The following DNAAF4 variants were observed in gnomAD, a reference collection of about 807,000 sequenced individuals.
The protein encoded by DNAAF4 is dynein axonemal assembly factor 4.
DNAAF4 carries 43 observed loss-of-function variants against 51.8 expected under a neutral mutation model. The observed-to-expected ratio is 0.83, with a 90% confidence interval of 0.65 to 1.07. DNAAF4 has a LOEUF of 1.07. Among genes scored for constraint, DNAAF4 ranks in the 50% least tolerant of loss-of-function variants. DNAAF4 has a pLI of 0.00. For missense variants in DNAAF4, 581 were observed against 493.0 expected (o/e 1.18, Z -1.69); for synonymous variants, 194 against 165.6 (o/e 1.17, Z -1.32).
intron 5 of DNAAF4, among the ~76,000 whole-genome samples, chr15:55,459,909 G>T (rs763847803): frequency 6.6e-6 from 1 of 151,886 alleles, no homozygotes; most frequent in Non-Finnish European, 1.5e-5. Context: ...TCACCATGTT[G>T]GCCTGGCTGG....
At chr15:55,453,548 CTTTTTTT>C (rs1228330492) in intron 5 of DNAAF4, among the ~76,000 whole-genome samples, 1 of 115,654 alleles carries the variant, frequency 8.6e-6, no homozygotes, top group Admixed American at 9.0e-5. Flanking sequence ...AAAAACAGTT[CTTTTTTT>C]TTTTTTTTTT....
At chr15:55,459,311 T>C (rs1224487986) in intron 5 of DNAAF4, among the ~76,000 whole-genome samples, 1 of 152,144 alleles carries the variant, frequency 6.6e-6, no homozygotes, top group Non-Finnish European at 1.5e-5. Flanking sequence ...AATGCTGAAT[T>C]TGTCACTACC....
chr15:55,444,744 C>T (rs1329190192), intron 6 of DNAAF4, among the ~76,000 whole-genome samples: 1 of 152,134 alleles, frequency 6.6e-6, no homozygotes, highest in Non-Finnish European at 1.5e-5. Context: ...TGTAGTTCTC[C>T]TTGAAGAGGT....
At chr15:55,467,795 CAA>C (rs1206975243) in intron 4 of DNAAF4, among the ~76,000 whole-genome samples, 1 of 152,120 alleles carries the variant, frequency 6.6e-6, no homozygotes, top group Non-Finnish European at 1.5e-5. Context: ...CTGACACTTT[CAA>C]AGAGCTAAAT....
In DNAAF4 at chr15:55,450,368, C is replaced by T. The variant is rs2057914149; in HGVS notation, c.638-1G>A. The stretch of plus-strand genomic sequence containing the variant: ...GTAAATATATTTTCTGAATTTCTCC[C>T]TTCAAAAACAATGGTAGCAAACAAG... On this transcript the variant is annotated splice_acceptor_variant, in intron 5 of 9. Transcript: ENST00000321149. LOFTEE classifies it high-confidence loss of function. 2 of 1,607,250 alleles carry T rather than the reference C, an allele frequency of 1.2e-6. No homozygotes were observed. Among genetic ancestry groups the T allele is most frequent in the Non-Finnish European group, 1.7e-6 (2 of 1,178,016 alleles).
At chr15:55,427,067 TTTG>T (rs956949676), downstream of DNAAF4, among the ~76,000 whole-genome samples, 12 of 151,934 alleles carry the variant, frequency 7.9e-5, no homozygotes, top group African/African-American at 2.4e-4. Flanking sequence ...TTTGTTTTTT[TTTG>T]TTTGTTTGTT....
intron 4 of DNAAF4, among the ~76,000 whole-genome samples, chr15:55,484,480 G>A (rs149116872): frequency 0.012 from 1,753 of 143,810 alleles, 37 homozygotes; most frequent in African/African-American, 0.044. Flanking sequence ...GTGAGACTCC[G>A]TCTCAGGAAA....
At chr15:55,485,660 T>A (rs1367570925) in intron 4 of DNAAF4, among the ~76,000 whole-genome samples, 2 of 151,118 alleles carry the variant, frequency 1.3e-5, no homozygotes, top group Non-Finnish European at 2.9e-5. Flanking sequence ...AAATTCAAGA[T>A]AGAAGTGGGT....
chr15:55,455,203 C>T lies in DNAAF4; in HGVS notation c.638-4836G>A, dbSNP rs914229162. 6.1e-5 allele frequency among the ~76,000 whole-genome samples: 9 copies of T among 147,506 alleles called. No homozygotes were observed. The East Asian group carries it at 1.8e-3, about 29-fold the overall frequency. The stretch of plus-strand genomic sequence containing the variant: ...GAAGTTTTACTAAGCCTTAAAACAA[C>T]AGGTATTTCTCTTATCTAACTATAT... On this transcript the variant is annotated intron_variant, in intron 5 of 9. Transcript: ENST00000321149.
Position 55,430,590 on chromosome 15 carries a change from A to T in DNAAF4, c.*80T>A, listed in dbSNP as rs1050078111. ...TACTAAACAGAAAGCGATTCTGTAC[A>T]ACTGGCCATAATATGTACAAAGATG... is the stretch of plus-strand genomic sequence containing the variant. On this transcript the variant is annotated 3_prime_UTR_variant, in exon 10 of 10. Coordinates refer to ENST00000321149, the MANE Select transcript of DNAAF4 (RefSeq NM_130810.4). The T allele has an allele frequency of 2.0e-5, 31 of 1,518,390 alleles. No individual in the cohort carries two copies. The African/African-American group carries it at 4.2e-4, about 21-fold the overall frequency. 94.1% of individuals were successfully genotyped at this position (1,518,390 alleles called of 1,614,324 possible).
chr15:55,444,669 T>C (rs1002250771), intron 6 of DNAAF4, among the ~76,000 whole-genome samples: 5 of 152,230 alleles, frequency 3.3e-5, no homozygotes, highest in African/African-American at 1.2e-4. Flanking sequence ...TGATTCTTTC[T>C]ATCCATGAGC....
chr15:55,486,887 C>A (rs2058497277), intron 4 of DNAAF4, among the ~76,000 whole-genome samples: 1 of 152,114 alleles, frequency 6.6e-6, no homozygotes, highest in African/African-American at 2.4e-5. Flanking sequence ...ATTAACCTTT[C>A]CCTCTTTACT....
intron 3 of DNAAF4, 133 bp downstream of exon 3, chr15:55,497,579 G>A (rs1002022023): frequency 2.9e-6 from 3 of 1,020,874 alleles, no homozygotes; most frequent in African/African-American, 3.4e-5. Context: ...CAGCCTGGGC[G>A]ACAGAGCAAG....
At chr15:55,507,826 G>C (rs2058734581) in intron 1 of DNAAF4, among the ~76,000 whole-genome samples, 1 of 151,982 alleles carries the variant, frequency 6.6e-6, no homozygotes, top group South Asian at 2.1e-4. Context: ...CTGAGTAACA[G>C]GGACTCAAAA....
chr15:55,493,495 C>A (rs2058600916), intron 3 of DNAAF4, among the ~76,000 whole-genome samples: 1 of 152,050 alleles, frequency 6.6e-6, no homozygotes, highest in African/African-American at 2.4e-5. Flanking sequence ...GCAGAAATAA[C>A]TGGAAGAACA....
chr15:55,485,250 C>T (rs983649233), intron 4 of DNAAF4, among the ~76,000 whole-genome samples: 3 of 152,038 alleles, frequency 2.0e-5, no homozygotes, highest in Non-Finnish European at 4.4e-5. Flanking sequence ...CTGACATACA[C>T]TGAAGAGGAA....
At chr15:55,471,514 CTT>C (rs559325274) in intron 4 of DNAAF4, among the ~76,000 whole-genome samples, 6 of 144,050 alleles carry the variant, frequency 4.2e-5, no homozygotes, top group Non-Finnish European at 3.1e-5. Context: ...AAATGTTAAA[CTT>C]TTTTTTTTTT....
intron 3 of DNAAF4, among the ~76,000 whole-genome samples, chr15:55,492,931 G>C (rs562507920): frequency 6.6e-6 from 1 of 152,156 alleles, no homozygotes; most frequent in Non-Finnish European, 1.5e-5. Flanking sequence ...TATAAAAGAG[G>C]TATCTCTGAT....
intron 7 of DNAAF4, among the ~76,000 whole-genome samples, chr15:55,421,829 C>T (rs1047107778): frequency 3.3e-5 from 5 of 151,128 alleles, no homozygotes; most frequent in Non-Finnish European, 7.4e-5. Flanking sequence ...GCGGAGGTTG[C>T]GGTGAGCCGA....
Sources: gnomAD v4.1 joint callset for allele counts (sites outside exome capture counted in the v4.1 genomes callset) on GRCh38, gnomAD v4.1.1 for gene constraint, MANE v1.5 for transcripts, NCBI Gene and HGNC (gene_info 2026-07-23, HGNC 2026-07-21) for gene names.